Variants in ZNF385B observed in about 807,000 individuals in gnomAD.
ZNF385B encodes the protein zinc finger protein 533.
Under a neutral mutation model 39.2 loss-of-function variants are expected in ZNF385B, and 23 were observed. The ratio of observed to expected loss-of-function variants is 0.59; its 90% confidence interval spans 0.42 to 0.83. The LOEUF (loss-of-function observed/expected upper bound fraction) is 0.83, where lower values mean the gene tolerates loss of function less well. Among genes scored for constraint, ZNF385B ranks in the 40% least tolerant of loss-of-function variants. ZNF385B has a pLI of 0.00. For missense variants in ZNF385B, 552 were observed against 598.9 expected, an observed-to-expected ratio of 0.92 and a Z score of 0.82; for synonymous variants, 205 against 222.6, an observed-to-expected ratio of 0.92 and a Z score of 0.70.
At chr2:179,473,912 T>C (rs971874943) in intron 6 of ZNF385B, among the ~76,000 whole-genome samples, 1 of 152,154 alleles carries the variant, frequency 6.6e-6, no homozygotes, top group Non-Finnish European at 1.5e-5. Context: ...CACCCCCACT[T>C]TACAGATGAA....
intron 3 of ZNF385B, among the ~76,000 whole-genome samples, chr2:179,593,457 A>C (rs186060911): frequency 6.6e-6 from 1 of 152,264 alleles, no homozygotes; most frequent in African/African-American, 2.4e-5. Flanking sequence ...CACTAGGATT[A>C]TTTTTCTTAA....
intron 4 of ZNF385B, among the ~76,000 whole-genome samples, chr2:179,544,211 A>C (rs769739430): frequency 6.6e-6 from 1 of 152,222 alleles, no homozygotes; most frequent in Non-Finnish European, 1.5e-5. Flanking sequence ...AGCTGAGCTG[A>C]AGCACATCAG....
intron 3 of ZNF385B, among the ~76,000 whole-genome samples, chr2:179,601,404 T>A (rs1433961161): frequency 6.6e-6 from 1 of 152,182 alleles, no homozygotes; most frequent in Non-Finnish European, 1.5e-5. Context: ...TTATGCCTTA[T>A]GAGACTGGGT....
chr2:179,742,266 C>T (rs1019307340), intron 3 of ZNF385B, among the ~76,000 whole-genome samples: 3 of 152,038 alleles, frequency 2.0e-5, no homozygotes, highest in African/African-American at 7.2e-5. Flanking sequence ...GGCATAAACC[C>T]TAACAGTTAA....
At chr2:179,489,447 C>A (rs2054965496) in intron 5 of ZNF385B, among the ~76,000 whole-genome samples, 1 of 152,068 alleles carries the variant, frequency 6.6e-6, no homozygotes, top group Non-Finnish European at 1.5e-5. Context: ...AGATTTTATC[C>A]TCTGCTCCAA....
intron 3 of ZNF385B, among the ~76,000 whole-genome samples, chr2:179,681,778 G>A (rs561712789): frequency 6.6e-6 from 1 of 152,334 alleles, no homozygotes; most frequent in Admixed American, 6.5e-5. Context: ...CAATTCCATT[G>A]TTGATGGCAG....
intron 1 of ZNF385B, among the ~76,000 whole-genome samples, chr2:179,845,519 G>A (rs957511509): frequency 6.6e-6 from 1 of 152,144 alleles, no homozygotes; most frequent in Non-Finnish European, 1.5e-5. Flanking sequence ...CAAGGATCAA[G>A]GATAAAGTCA....
At chr2:179,633,311 A>C (rs1381317946) in intron 3 of ZNF385B, among the ~76,000 whole-genome samples, 1 of 152,214 alleles carries the variant, frequency 6.6e-6, no homozygotes, top group Non-Finnish European at 1.5e-5. Flanking sequence ...TCAATAAGAT[A>C]CTGGCAAACT....
chr2:179,795,632 T>A (rs1417279899), intron 1 of ZNF385B, among the ~76,000 whole-genome samples: 2 of 152,200 alleles, frequency 1.3e-5, no homozygotes, highest in Non-Finnish European at 2.9e-5. Flanking sequence ...CTCTTACATT[T>A]TTTTTTCTAT....
Position 179,445,632 on chromosome 2 carries a change from C to A in ZNF385B, c.1058G>T (p.Ser353Ile). 1.2e-6 allele frequency: 2 copies of A among 1,614,090 alleles called. No homozygotes were observed. The highest frequency in any genetic ancestry group is 1.1e-5 in the South Asian group (1 of 91,076). ...CTTGTTCTGTAGTCCTGACCCCTTA[C>A]TGCCATTCTGCATCTTTAATCTTGA... is the stretch of plus-strand genomic sequence containing the variant. The part of the protein sequence containing the change: ...PGSRLKMQNG[S>I]KGSGLQNKTF... The change falls in exon 8 of 10, where the codon AGT (serine) becomes ATT (isoleucine). Residue 353 changes from serine (S) to isoleucine (I), a missense_variant. Coordinates refer to ENST00000410066, the MANE Select transcript of ZNF385B (RefSeq NM_152520.6).
chr2:179,758,204 C>T (rs1703164248), intron 3 of ZNF385B, among the ~76,000 whole-genome samples: 1 of 152,130 alleles, frequency 6.6e-6, no homozygotes, highest in Non-Finnish European at 1.5e-5. Flanking sequence ...GTGTCTTAGG[C>T]CATTCCTGCT....
chr2:179,442,310 A>C lies in ZNF385B; in HGVS notation c.*940T>G, dbSNP rs1357469035. Reference sequence around the variant, plus strand: ...AATGAAAACAGGTTAAAAATGAAGAAGATACTTATATAGAAATACATGGAT... The same window carrying C: ...AATGAAAACAGGTTAAAAATGAAGACGATACTTATATAGAAATACATGGAT... On this transcript the variant is annotated 3_prime_UTR_variant, in exon 10 of 10. Transcript: ENST00000410066. The C allele has an allele frequency of 6.5e-6, 1 of 152,700 alleles. No individual in the cohort carries two copies. Among genetic ancestry groups the C allele is most frequent in the Non-Finnish European group, 1.5e-5 (1 of 68,056 alleles). The allele number at this position is 152,700 out of a possible 1,614,324, so 9.5% of individuals were successfully genotyped here. A position where few individuals can be genotyped will look rare whatever the true frequency, so the allele number is the denominator to read the frequency against.
chr2:179,638,053 G>A (rs1332734026), intron 3 of ZNF385B, among the ~76,000 whole-genome samples: 2 of 152,060 alleles, frequency 1.3e-5, no homozygotes, highest in African/African-American at 2.4e-5. Flanking sequence ...AATCAACAAC[G>A]TTGGAAAAAA....
chr2:179,693,923 C>G, intron 3 of ZNF385B, among the ~76,000 whole-genome samples: 1 of 152,122 alleles, frequency 6.6e-6, no homozygotes, highest in East Asian at 1.9e-4. Context: ...CTCAAGTTTG[C>G]AGAATCAAAA....
intron 3 of ZNF385B, among the ~76,000 whole-genome samples, chr2:179,588,719 G>A (rs1037553492): frequency 1.3e-5 from 2 of 152,152 alleles, no homozygotes; most frequent in Non-Finnish European, 2.9e-5. Flanking sequence ...CCTGCCTAGT[G>A]ACTGAAGATT....
chr2:179,773,828 T>G (rs1704149703), intron 1 of ZNF385B, among the ~76,000 whole-genome samples: 1 of 152,244 alleles, frequency 6.6e-6, no homozygotes, highest in African/African-American at 2.4e-5. Context: ...CCTCCCTTGC[T>G]AGTTTTCAAG....
chr2:179,536,473 G>C (rs2059574217), intron 4 of ZNF385B: 1 of 152,168 alleles, frequency 6.6e-6, no homozygotes, highest in South Asian at 2.1e-4. Context: ...TAAAGAAAGG[G>C]ACATACAAGA....
intron 4 of ZNF385B, among the ~76,000 whole-genome samples, chr2:179,527,371 T>A (rs1368497405): frequency 1.3e-5 from 2 of 152,212 alleles, no homozygotes; most frequent in Non-Finnish European, 2.9e-5. Flanking sequence ...TCTAATTCCA[T>A]ATTGTTAGGT....
intron 3 of ZNF385B, among the ~76,000 whole-genome samples, chr2:179,686,511 C>A (rs1352168648): frequency 6.6e-6 from 1 of 152,140 alleles, no homozygotes; most frequent in Admixed American, 6.6e-5. Context: ...ACCATGTGCT[C>A]TTTTATACAC....
Sources: gnomAD v4.1 joint callset for allele counts (sites outside exome capture counted in the v4.1 genomes callset) on GRCh38, gnomAD v4.1.1 for gene constraint, MANE v1.5 for transcripts, NCBI Gene and HGNC (gene_info 2026-07-23, HGNC 2026-07-21) for gene names.